Variants in GALNT9 observed in about 807,000 individuals in gnomAD.
GALNT9 encodes GalNAc transferase 9.
Under a neutral mutation model 63.1 loss-of-function variants are expected in GALNT9, and 47 were observed. The observed-to-expected ratio is 0.75, with a 90% confidence interval of 0.59 to 0.95. The LOEUF (loss-of-function observed/expected upper bound fraction) is 0.95, where lower values mean the gene tolerates loss of function less well. Among genes scored for constraint, GALNT9 ranks in the 40% least tolerant of loss-of-function variants. GALNT9 has a pLI of 0.00. For synonymous variants in GALNT9, 396 were observed against 365.7 expected (o/e 1.08, Z -0.94); for missense variants, 829 against 874.8 (o/e 0.95, Z 0.66).
At chr12:132,328,928 C>A in intron 1 of GALNT9, 38 bp downstream of exon 1, 1 of 1,479,226 alleles carries the variant, frequency 6.8e-7, no homozygotes, top group Non-Finnish European at 9.0e-7. Flanking sequence ...CTGTCCCGGG[C>A]AGGGCTGCCC....
chr12:132,329,288 C>T lies in GALNT9; in HGVS notation c.-85G>A, dbSNP rs1296043675. On this transcript the variant is annotated 5_prime_UTR_variant, in exon 1 of 11. Transcript: ENST00000328957. ...TGGGCTTCAGCTTCGGCTTCGGGGA[C>T]CATGAGCCGCCCGGGGCTGCGGGGG... The T allele has an allele frequency of 6.8e-7, 1 of 1,471,764 alleles. No individual in the cohort carries two copies. The highest frequency in any genetic ancestry group is 9.0e-7 in the Non-Finnish European group (1 of 1,107,154). The allele number at this position is 1,471,764 out of a possible 1,614,324, so 91.2% of individuals were successfully genotyped here.
chr12:132,198,802 C>A (rs1448362758), intron 9 of GALNT9, among the ~76,000 whole-genome samples: 2 of 152,198 alleles, frequency 1.3e-5, no homozygotes, highest in Admixed American at 6.5e-5. Flanking sequence ...CGGGCATGCC[C>A]CACCATGCCC....
intron 5 of GALNT9, among the ~76,000 whole-genome samples, chr12:132,256,992 C>T (rs1045110666): frequency 7.9e-5 from 12 of 152,152 alleles, no homozygotes; most frequent in African/African-American, 2.9e-4. Context: ...TAGCTGAGAG[C>T]TGGAACGGGG....
chr12:132,207,690 G>T (rs974001297), intron 6 of GALNT9, among the ~76,000 whole-genome samples: 4 of 152,168 alleles, frequency 2.6e-5, no homozygotes, highest in Admixed American at 6.5e-5. Flanking sequence ...TGTCACAGCC[G>T]GGGACTGGGC....
chr12:132,203,752 C>G, intron 6 of GALNT9, 62 bp from the exon 7 acceptor site: 2 of 1,549,796 alleles, frequency 1.3e-6, no homozygotes, highest in Non-Finnish European at 1.7e-6. Context: ...GCCCGGCCAG[C>G]TAGGGGCCCG....
In GALNT9 at chr12:132,248,579, T is replaced by C. The variant is rs145203162; in HGVS notation, c.960-552A>G. ...ACTTGCCCGCCTCCCCCATGCTTCA[T>C]CCTAACTGTGTATCAGGAGCCAGGA... is the stretch of plus-strand genomic sequence containing the variant. On this transcript the variant is annotated intron_variant, in intron 5 of 10. Transcript: ENST00000328957. Among the ~76,000 whole-genome samples the C allele has an allele frequency of 1.2e-3, 183 of 152,330 alleles. 1 individual carries two copies. The highest frequency in any genetic ancestry group is 4.2e-3 in the African/African-American group (173 of 41,572).
At chr12:132,227,327 C>T (rs1668107916) in intron 6 of GALNT9, among the ~76,000 whole-genome samples, 1 of 152,150 alleles carries the variant, frequency 6.6e-6, no homozygotes, top group Admixed American at 6.5e-5. Flanking sequence ...TGGGGAAGTG[C>T]ATTGCACGGA....
intron 6 of GALNT9, among the ~76,000 whole-genome samples, chr12:132,242,442 C>T (rs878989457): frequency 1.0e-4 from 1 of 9,718 alleles, no homozygotes. Context: ...CTTCCCGGGG[C>T]CCTCCCTATA....
intron 7 of GALNT9, 137 bp from the exon 8 acceptor site, chr12:132,201,398 C>CCCCATCCGGT: frequency 1.8e-6 from 1 of 568,930 alleles, no homozygotes; most frequent in Admixed American, 3.1e-5. Context: ...GATGCTGAGG[C>CCCCATCCGGT]CCCATCCAGT....
chr12:132,199,195 G>A lies in GALNT9; in HGVS notation c.1476C>T (p.Pro492=). 2 of 1,603,062 alleles carry A rather than the reference G, an allele frequency of 1.2e-6. No homozygotes were observed. Among genetic ancestry groups the A allele is most frequent in the South Asian group, 1.1e-5 (1 of 91,042 alleles). ...AEDGDRAILY[P]CHGMSSQLVR... is the part of the protein sequence containing the mutation. ...CTACCTGGGAGGACATCCCGTGGCA[G>A]GGGTAGAGGATCGCCCGGTCGCCGT... Residue 492 remains proline (P), a synonymous_variant, in exon 9 of 11, where the codon CCC becomes CCT. Coordinates refer to ENST00000328957, the MANE Select transcript of GALNT9 (RefSeq NM_001122636.2).
chr12:132,304,471 G>A (rs111452302), intron 1 of GALNT9, among the ~76,000 whole-genome samples: 1,118 of 27,098 alleles, frequency 0.041, 2 homozygotes, highest in East Asian at 0.26. Context: ...AGCCTCGCCC[G>A]GGCACACGCT....
At chr12:132,302,873 G>A (rs1165944255) in intron 1 of GALNT9, among the ~76,000 whole-genome samples, 1 of 152,178 alleles carries the variant, frequency 6.6e-6, no homozygotes, top group African/African-American at 2.4e-5. Flanking sequence ...TGTAGGAAGT[G>A]GGAGCGCAGA....
In GALNT9 at chr12:132,286,290, T is replaced by C; in HGVS notation, c.379A>G (p.Ile127Val). The stretch of plus-strand genomic sequence containing the variant: ...TCGGGGATGCTCCGATCGAGGGAGA[T>C]GCGGTCGCTGAGCTGAGCGTTGTAG... ...YGYNAQLSDRISLDRSIPDYR... is the reference protein window; with the variant it reads ...YGYNAQLSDRVSLDRSIPDYR... The change falls in exon 2 of 11, where the codon ATC (isoleucine) becomes GTC (valine). Residue 127 changes from isoleucine (I) to valine (V), a missense_variant. Transcript: ENST00000328957. This position sits in a 1 kb window ranked among gnomAD's most constrained non-coding sequence, Gnocchi z 7.4. 1 of 1,551,188 alleles carries C rather than the reference T, an allele frequency of 6.4e-7. No homozygotes were observed. Among genetic ancestry groups the C allele is most frequent in the South Asian group, 1.2e-5 (1 of 84,060 alleles).
chr12:132,219,015 C>A (rs139921529), intron 6 of GALNT9, among the ~76,000 whole-genome samples: 29 of 152,214 alleles, frequency 1.9e-4, no homozygotes, highest in African/African-American at 6.5e-4. Flanking sequence ...GGGAGGGGCG[C>A]CCCGCATTTT....
At chr12:132,204,484 C>T (rs1051406698) in intron 6 of GALNT9, among the ~76,000 whole-genome samples, 5 of 152,096 alleles carry the variant, frequency 3.3e-5, no homozygotes, top group Non-Finnish European at 7.3e-5. Flanking sequence ...ACAGAAAGGC[C>T]GAGGCAGGGA....
chr12:132,236,090 G>A lies in GALNT9; in HGVS notation c.1077+11820C>T, dbSNP rs1877989703. 1.4e-5 allele frequency among the ~76,000 whole-genome samples: 2 copies of A among 141,544 alleles called. No homozygotes were observed. Among genetic ancestry groups the A allele is most frequent in the African/African-American group, 5.3e-5 (2 of 37,780 alleles). The allele number at this position is 141,544 out of a possible 152,430, so 92.9% of individuals were successfully genotyped here. A position where few individuals can be genotyped will look rare whatever the true frequency, so the allele number is the denominator to read the frequency against. ...TCCCCCGGGCTGGAGTTCAACCCTC[G>A]GGACAGGGCAGGAGGGTCCCCCGGG... On this transcript the variant is annotated intron_variant, in intron 6 of 10. Coordinates refer to ENST00000328957, the MANE Select transcript of GALNT9 (RefSeq NM_001122636.2). This position sits in a 1 kb window ranked among gnomAD's most constrained non-coding sequence, Gnocchi z 5.6.
intron 6 of GALNT9, among the ~76,000 whole-genome samples, chr12:132,225,005 A>C: frequency 8.4e-6 from 1 of 119,132 alleles, no homozygotes; most frequent in South Asian, 3.1e-4. Flanking sequence ...CCTATACACT[A>C]TACGTACACC....
intron 6 of GALNT9, among the ~76,000 whole-genome samples, chr12:132,247,160 G>A (rs186590357): frequency 2.6e-4 from 38 of 148,900 alleles, no homozygotes; most frequent in African/African-American, 6.0e-4. Flanking sequence ...ACACGGTCCC[G>A]GGAGGCAGAA....
intron 6 of GALNT9, chr12:132,240,666 T>A (rs1480443618): frequency 8.8e-6 from 4 of 455,784 alleles, no homozygotes; most frequent in African/African-American, 8.0e-5. Context: ...CTCTCTGCCG[T>A]GTTTTTCTTC....
Sources: gnomAD v4.1 joint callset for allele counts (sites outside exome capture counted in the v4.1 genomes callset) on GRCh38, gnomAD v4.1.1 for gene constraint, Gnocchi (gnomAD v3.1) non-coding constraint, MANE v1.5 for transcripts, NCBI Gene and HGNC (gene_info 2026-07-23, HGNC 2026-07-21) for gene names.